Variants in MAP3K2 observed in about 807,000 individuals in gnomAD.
MAP3K2 encodes the protein mitogen-activated protein kinase kinase kinase 2.
Under a neutral mutation model 80.3 loss-of-function variants are expected in MAP3K2, and 24 were observed. That is an observed-to-expected ratio of 0.30 (90% CI 0.22 to 0.42). MAP3K2 has a LOEUF of 0.42. Ranked by LOEUF, MAP3K2 falls within the 10% of genes least tolerant of loss-of-function variation. The pLI is 1.00. For synonymous variants in MAP3K2, 244 were observed against 253.7 expected, an observed-to-expected ratio of 0.96 and a Z score of 0.36; for missense variants, 608 against 750.1, an observed-to-expected ratio of 0.81 and a Z score of 2.21.
In MAP3K2 at chr2:127,365,317, C is replaced by G. The variant is rs75975405; in HGVS notation, c.-65-22123G>C. 8.4e-3 allele frequency among the ~76,000 whole-genome samples: 1,280 copies of G among 152,082 alleles called. 21 individuals are homozygous for G. Among genetic ancestry groups the G allele is most frequent in the African/African-American group, 0.029 (1,220 of 41,454 alleles). ...ACTTGCTCTCTCACATTCCTATGAGCCTTGATCCATAAAACATCACTATGG... is the reference window on the plus strand; with the variant it reads ...ACTTGCTCTCTCACATTCCTATGAGGCTTGATCCATAAAACATCACTATGG... On this transcript the variant is annotated intron_variant, in intron 1 of 16. Coordinates refer to ENST00000682094, the MANE Select transcript of MAP3K2 (RefSeq NM_001371910.2).
intron 10 of MAP3K2, 85 bp from the exon 11 acceptor site, chr2:127,324,079 T>TA (rs1306823495): frequency 1.8e-6 from 2 of 1,100,206 alleles, no homozygotes; most frequent in Admixed American, 6.0e-5. Flanking sequence ...TTATAAATCT[T>TA]TATTTGACTT....
At chr2:127,311,657 T>G (rs1685809940) in intron 15 of MAP3K2, among the ~76,000 whole-genome samples, 1 of 152,186 alleles carries the variant, frequency 6.6e-6, no homozygotes, top group Non-Finnish European at 1.5e-5. Flanking sequence ...CTCTCTAGGA[T>G]TTGAAGCAAA....
intron 1 of MAP3K2, among the ~76,000 whole-genome samples, chr2:127,352,290 A>AC (rs1230166469): frequency 1.3e-5 from 2 of 152,130 alleles, no homozygotes; most frequent in African/African-American, 2.4e-5. Flanking sequence ...CTGCAAAAAA[A>AC]GAAAAGAAAA....
At chr2:127,340,101 A>G (rs1686448131) in intron 2 of MAP3K2, among the ~76,000 whole-genome samples, 1 of 152,186 alleles carries the variant, frequency 6.6e-6, no homozygotes, top group African/African-American at 2.4e-5. Flanking sequence ...TTGTAGTGAA[A>G]TTATTTGCAT....
chr2:127,306,349 T>G lies in MAP3K2; in HGVS notation c.*1230A>C, dbSNP rs1260353771. 2 of 152,188 alleles carry G rather than the reference T, an allele frequency of 1.3e-5. No homozygotes were observed. The highest frequency in any genetic ancestry group is 2.9e-5 in the Non-Finnish European group (2 of 68,022). 9.4% of individuals were successfully genotyped at this position (152,188 alleles called of 1,614,324 possible). A position where few individuals can be genotyped will look rare whatever the true frequency, so the allele number is the denominator to read the frequency against. On this transcript the variant is annotated 3_prime_UTR_variant, in exon 17 of 17. Transcript: ENST00000682094. The surrounding 1 kb of genome is among the most constrained non-coding windows in gnomAD (Gnocchi z 4.7). ...ATTATAATCTATTTAGCAACATCCC[T>G]GGCCTCTACCCAATTCATGTTACTA... is the stretch of plus-strand genomic sequence containing the variant.
rs1233057047 is a variant in MAP3K2 at position 127,321,159 on chromosome 2, G to A, written c.1045+887C>T. 6.6e-6 allele frequency among the ~76,000 whole-genome samples: 1 copy of A among 152,118 alleles called. No individual in the cohort carries two copies. Among genetic ancestry groups the A allele is most frequent in the Non-Finnish European group, 1.5e-5 (1 of 68,014 alleles). The stretch of plus-strand genomic sequence containing the variant: ...TTTTTCAAACAAACAAAAGCAGAAT[G>A]AACTCAGTACCAGCATGCCTATATT... On this transcript the variant is annotated intron_variant, in intron 12 of 16. Coordinates refer to ENST00000682094, the MANE Select transcript of MAP3K2 (RefSeq NM_001371910.2). The surrounding 1 kb of genome is among the most constrained non-coding windows in gnomAD (Gnocchi z 4.4).
intron 1 of MAP3K2, among the ~76,000 whole-genome samples, chr2:127,384,055 T>A (rs1687300700): frequency 6.6e-6 from 1 of 151,562 alleles, no homozygotes; most frequent in Non-Finnish European, 1.5e-5. Flanking sequence ...TTTTTTTGTT[T>A]GTTTGTTTGT....
rs1558976004 is a variant in MAP3K2 at position 127,321,601 on chromosome 2, C to A, written c.1045+445G>T. ...TTCAAGTAAGATACTCCCACATCAG[C>A]CAAAAATTGAACTATTCCCCATTTT... is the stretch of plus-strand genomic sequence containing the variant. On this transcript the variant is annotated intron_variant, in intron 12 of 16. Transcript: ENST00000682094. This position sits in a 1 kb window ranked among gnomAD's most constrained non-coding sequence, Gnocchi z 4.4. Among the ~76,000 whole-genome samples the A allele has an allele frequency of 6.6e-6, 1 of 152,220 alleles. No individual in the cohort carries two copies. The highest frequency in any genetic ancestry group is 2.4e-5 in the African/African-American group (1 of 41,450).
rs1270510082 is a variant in MAP3K2, at chr2:127,356,712, G to A, written c.-65-13518C>T. Among the ~76,000 whole-genome samples the A allele has an allele frequency of 3.3e-5, 5 of 152,082 alleles. No homozygotes were observed. The South Asian group carries it at 8.3e-4, about 25-fold the overall frequency. ...TGAAACTGAATCATTATGTCTCACC[G>A]TATACAAAAATCAACTCCAGATGGA... is the stretch of plus-strand genomic sequence containing the variant. On this transcript the variant is annotated intron_variant, in intron 1 of 16. Coordinates refer to ENST00000682094, the MANE Select transcript of MAP3K2 (RefSeq NM_001371910.2).
intron 1 of MAP3K2, among the ~76,000 whole-genome samples, chr2:127,377,255 G>T (rs1028331255): frequency 6.6e-6 from 1 of 152,000 alleles, no homozygotes; most frequent in African/African-American, 2.4e-5. Context: ...AAAAGTATAT[G>T]TAATACAAAT....
intron 15 of MAP3K2, 48 bp from the exon 16 acceptor site, chr2:127,308,810 G>T (rs747276138): frequency 6.4e-7 from 1 of 1,558,934 alleles, no homozygotes; most frequent in Non-Finnish European, 8.8e-7. Context: ...TGGCAGTCTC[G>T]AATATAGCAT....
chr2:127,378,920 G>A (rs1021248997), intron 1 of MAP3K2, among the ~76,000 whole-genome samples: 4 of 150,996 alleles, frequency 2.6e-5, no homozygotes, highest in Non-Finnish European at 5.9e-5. Flanking sequence ...AGCCTTTTGA[G>A]TAGCTGGAAC....
chr2:127,334,310 G>A (rs1686321922), intron 5 of MAP3K2, among the ~76,000 whole-genome samples: 1 of 152,062 alleles, frequency 6.6e-6, no homozygotes, highest in South Asian at 2.1e-4. Flanking sequence ...CAATATTGTA[G>A]TCTTAATGTA....
In MAP3K2 at chr2:127,299,879, C is replaced by T. The variant is rs183483709; in HGVS notation, c.*7700G>A. The T allele has an allele frequency of 4.6e-5, 7 of 151,874 alleles. No individual in the cohort carries two copies. The highest frequency in any genetic ancestry group is 3.9e-4 in the Admixed American group (6 of 15,270). The allele number at this position is 151,874 out of a possible 1,614,324, so 9.4% of individuals were successfully genotyped here. A position where few individuals can be genotyped will look rare whatever the true frequency, so the allele number is the denominator to read the frequency against. On this transcript the variant is annotated 3_prime_UTR_variant, in exon 17 of 17. Transcript: ENST00000682094. ...AAACAGTACCCTTATAAAACAAGTTCATAAAAATGTAGAAATGAAATGAAA... is the reference window on the plus strand; with the variant it reads ...AAACAGTACCCTTATAAAACAAGTTTATAAAAATGTAGAAATGAAATGAAA...
At position 127,339,190 on chromosome 2, in the gene MAP3K2, T is replaced by C. The variant is rs539121889; in HGVS notation, c.5-140A>G. The C allele has an allele frequency of 8.6e-5, 51 of 593,386 alleles. No homozygotes were observed. In the South Asian group the frequency reaches 1.2e-3, roughly 14 times the overall value. 36.8% of individuals were successfully genotyped at this position (593,386 alleles called of 1,614,324 possible). On this transcript the variant is annotated intron_variant, in intron 2 of 16. Transcript: ENST00000682094. This position sits in a 1 kb window ranked among gnomAD's most constrained non-coding sequence, Gnocchi z 4.2. ...TGCAAAAATGCATCTAGAACATTTT[T>C]AATGCCTACACTTTTGGTAAAATAA...
chr2:127,346,278 C>T (rs1444725123), intron 1 of MAP3K2, among the ~76,000 whole-genome samples: 1 of 151,364 alleles, frequency 6.6e-6, no homozygotes, highest in African/African-American at 2.4e-5. Context: ...ATCGACTCAT[C>T]AAGAAGAAAT....
At position 127,301,759 on chromosome 2, in the gene MAP3K2, ATTC is replaced by A. The variant is rs1180559259; in HGVS notation, c.*5817_*5819del. On this transcript the variant is annotated 3_prime_UTR_variant, in exon 17 of 17. Transcript: ENST00000682094. ...TGTATACAGGCAACAGATAAAATCT[ATTC>A]TTTTCTTTACTGTAGCTATGACTCC... The A allele has an allele frequency of 1.3e-5, 2 of 152,222 alleles. No individual in the cohort carries two copies. The highest frequency in any genetic ancestry group is 2.9e-5 in the Non-Finnish European group (2 of 68,028). The allele number at this position is 152,222 out of a possible 1,614,324, so 9.4% of individuals were successfully genotyped here.
intron 8 of MAP3K2, among the ~76,000 whole-genome samples, chr2:127,326,386 T>C (rs897196490): frequency 2.7e-5 from 4 of 150,122 alleles, no homozygotes; most frequent in Admixed American, 2.1e-4. Context: ...AGTTTCATTC[T>C]ATCTTTCAAA....
intron 5 of MAP3K2, 117 bp from the exon 6 acceptor site, chr2:127,330,622 A>G (rs778049097): frequency 3.7e-5 from 20 of 546,074 alleles, no homozygotes; most frequent in Non-Finnish European, 5.9e-5. Flanking sequence ...ATTTGTTACT[A>G]TGATGAAAGT....
Sources: allele counts gnomAD v4.1 joint callset (sites outside exome capture counted in the v4.1 genomes callset), GRCh38; gene constraint gnomAD v4.1.1; non-coding constraint Gnocchi (gnomAD v3.1); transcripts MANE v1.5; gene names NCBI Gene and HGNC (gene_info 2026-07-23, HGNC 2026-07-21).